The following KRT83 variants were observed in gnomAD, a reference collection of about 807,000 sequenced individuals.
KRT83 encodes the protein keratin, type II cuticular Hb3.
Under a neutral mutation model 52.9 loss-of-function variants are expected in KRT83, and 51 were observed. The ratio of observed to expected loss-of-function variants is 0.96; its 90% confidence interval spans 0.77 to 1.22. KRT83 has a LOEUF of 1.22. Ranked by LOEUF, KRT83 falls within the 50% of genes most tolerant of loss-of-function variation. KRT83 has a pLI of 0.00. For synonymous variants in KRT83, 278 were observed against 274.1 expected, an observed-to-expected ratio of 1.01 and a Z score of -0.14; for missense variants, 654 against 666.5, an observed-to-expected ratio of 0.98 and a Z score of 0.21.
At chr12:52,315,461 C>G in intron 7 of KRT83, 118 bp from the exon 8 acceptor site, 1 of 1,085,618 alleles carries the variant, frequency 9.2e-7, no homozygotes, top group Non-Finnish European at 1.4e-6. Flanking sequence ...CATTTATTCC[C>G]TTGTGCAGCT....
Position 52,317,013 on chromosome 12 carries a change from A to G in KRT83, c.761T>C (p.Ile254Thr). The G allele has an allele frequency of 6.2e-7, 1 of 1,614,196 alleles. No homozygotes were observed. The highest frequency in any genetic ancestry group is 8.5e-7 in the Non-Finnish European group (1 of 1,180,030). Residue 254 changes from isoleucine (I) to threonine (T), a missense_variant, in exon 5 of 9, where the codon ATT becomes ACT. Transcript: ENST00000293670. ...LRRLYEEEIRILQSHISDTSV... is the reference protein window; with the variant it reads ...LRRLYEEEIRTLQSHISDTSV... ...GGTGTCTGAGATGTGGGATTGGAGA[A>G]TGCGGATCTCCTGCAGGAGGTGGGG...
intron 1 of KRT83, 23 bp downstream of exon 1, chr12:52,320,929 G>T (rs764162535): frequency 6.2e-7 from 1 of 1,613,818 alleles, no homozygotes; most frequent in Non-Finnish European, 8.5e-7. Flanking sequence ...TTCAGGAAGG[G>T]TGTGATCCAG....
chr12:52,319,099 C>G (rs2121344998), intron 2 of KRT83, 57 bp downstream of exon 2: 9 of 1,611,330 alleles, frequency 5.6e-6, no homozygotes, highest in Admixed American at 1.7e-5. Context: ...CCTCCGGGCT[C>G]AGGGAGCTGC....
chr12:52,315,316 A>T lies in KRT83; in HGVS notation c.1290T>A (p.Asn430Lys), dbSNP rs1409266151. The change falls in exon 8 of 9, where the codon AAT (asparagine) becomes AAA (lysine). Residue 430 changes from asparagine to lysine, a missense_variant. By Grantham distance (94) the Asn-to-Lys change is moderately conservative. Coordinates refer to ENST00000293670, the MANE Select transcript of KRT83 (RefSeq NM_002282.3). ...TTCAGGGCTCAAGATACTTACAGACATTCACAGCTTCAACACCTTCACACA... is the reference window on the plus strand; with the variant it reads ...TTCAGGGCTCAAGATACTTACAGACTTTCACAGCTTCAACACCTTCACACA... ...QRLCEGVEAV[N>K]VCVSSSRGGV... The T allele has an allele frequency of 1.2e-6, 2 of 1,613,804 alleles. No individual in the cohort carries two copies. Among genetic ancestry groups the T allele is most frequent in the Admixed American group, 1.7e-5 (1 of 60,002 alleles).
Position 52,316,624 on chromosome 12 carries a change from A to G in KRT83, c.916-31T>C, listed in dbSNP as rs1246105244. Reference sequence around the variant, plus strand: ...GGAAGCAGAGATGTTCATGAGGCTCAGGATGAGACATCCCATTCATTCAGG... The same window carrying G: ...GGAAGCAGAGATGTTCATGAGGCTCGGGATGAGACATCCCATTCATTCAGG... On this transcript the variant is annotated intron_variant, in intron 5 of 8. Transcript: ENST00000293670. The G allele has an allele frequency of 3.1e-6, 5 of 1,614,060 alleles. No homozygotes were observed. The Admixed American group carries it at 8.3e-5, about 27-fold the overall frequency.
Position 52,315,918 on chromosome 12 carries a change from G to C in KRT83, c.1237C>G (p.Arg413Gly), listed in dbSNP as rs755560254. ...GLDIEIATYR[R>G]LLEGEEQRLC... Reference sequence around the variant, plus strand: ...CTCTGCTCCTCGCCCTCCAGCAGGCGCCTGTAGGTGGCGATCTCGATATCC... The same window carrying C: ...CTCTGCTCCTCGCCCTCCAGCAGGCCCCTGTAGGTGGCGATCTCGATATCC... Residue 413 changes from arginine to glycine, a missense_variant, in exon 7 of 9, where the codon CGC becomes GGC. Physicochemically the swap from Arg to Gly is moderately radical, Grantham distance 125. Coordinates refer to ENST00000293670, the MANE Select transcript of KRT83 (RefSeq NM_002282.3). 1.9e-6 allele frequency: 3 copies of C among 1,612,512 alleles called. No individual in the cohort carries two copies. The highest frequency in any genetic ancestry group is 2.5e-6 in the Non-Finnish European group (3 of 1,179,892).
chr12:52,320,585 CA>C (rs1938753770), intron 1 of KRT83, among the ~76,000 whole-genome samples: 1 of 152,222 alleles, frequency 6.6e-6, no homozygotes, highest in Non-Finnish European at 1.5e-5. Flanking sequence ...AGTTTTCCAG[CA>C]CCACACTTAT....
Position 52,319,348 on chromosome 12 carries a change from T to C in KRT83, c.401A>G (p.Gln134Arg). The C allele has an allele frequency of 6.2e-7, 1 of 1,614,054 alleles. No homozygotes were observed. Residue 134 changes from glutamine to arginine, a missense_variant, in exon 2 of 9, where the codon CAG becomes CGG. Physicochemically the swap from Gln to Arg is conservative, Grantham distance 43 (BLOSUM62 1). Coordinates refer to ENST00000293670, the MANE Select transcript of KRT83 (RefSeq NM_002282.3). ...AFIDKVRFLEQQNKLLETKLQ... is the reference protein window; with the variant it reads ...AFIDKVRFLERQNKLLETKLQ... ...CTTTGTCTCCAGCAGCTTGTTCTGC[T>C]GCTCCAGGAAGCGCACCTGCCACCC... is the stretch of plus-strand genomic sequence containing the variant.
Position 52,316,255 on chromosome 12 carries a change from T to TTACAC in KRT83, c.1042-147_1042-143dup. The TTACAC allele has an allele frequency of 4.2e-6, 4 of 947,158 alleles. No homozygotes were observed. In the South Asian group the frequency reaches 4.7e-5, roughly 11 times the overall value. 58.7% of individuals were successfully genotyped at this position (947,158 alleles called of 1,614,324 possible). A position where few individuals can be genotyped will look rare whatever the true frequency, so the allele number is the denominator to read the frequency against. ...TTCCTAACCTTCCTTCCCTCCTCAC[T>TTACAC]TACACTACACACACACACACACACA... On this transcript the variant is annotated intron_variant, in intron 6 of 8. Coordinates refer to ENST00000293670, the MANE Select transcript of KRT83 (RefSeq NM_002282.3).
At chr12:52,318,991 C>T (rs1938728902) in intron 2 of KRT83, among the ~76,000 whole-genome samples, 165 bp downstream of exon 2, 1 of 152,190 alleles carries the variant, frequency 6.6e-6, no homozygotes, top group Non-Finnish European at 1.5e-5. Context: ...ACAAGCTGAG[C>T]CTCCATCCCC....
intron 4 of KRT83, 131 bp downstream of exon 4, chr12:52,317,550 C>T: frequency 1.8e-6 from 2 of 1,101,430 alleles, no homozygotes; most frequent in African/African-American, 1.5e-5. Context: ...TCTCCTTGCT[C>T]CCTGCCAACC....
chr12:52,317,124 T>G, intron 4 of KRT83, 101 bp from the exon 5 acceptor site: 2 of 1,484,308 alleles, frequency 1.3e-6, no homozygotes, highest in Non-Finnish European at 1.9e-6. Context: ...GAACTTCTCA[T>G]GTTTAGAGAA....
intron 2 of KRT83, among the ~76,000 whole-genome samples, chr12:52,318,510 G>T (rs184866483): frequency 6.6e-6 from 1 of 152,080 alleles, no homozygotes; most frequent in Admixed American, 6.5e-5. Flanking sequence ...TGGGATCCTC[G>T]CTCTGTCTCT....
At chr12:52,318,452 T>C (rs1010938151) in intron 2 of KRT83, among the ~76,000 whole-genome samples, 8 of 151,944 alleles carry the variant, frequency 5.3e-5, no homozygotes, top group African/African-American at 1.7e-4. Flanking sequence ...TAGGTCTCCA[T>C]CTTTTCTTCC....
In KRT83 at chr12:52,321,041, C is replaced by G; in HGVS notation, c.295G>C (p.Glu99Gln). Residue 99 changes from glutamate to glutamine, a missense_variant, in exon 1 of 9, where the codon GAG (glutamate) becomes CAG (glutamine). Glu to Gln is a conservative substitution (Grantham distance 29, BLOSUM62 2). Transcript: ENST00000293670. ...ACGCACTGCGCGTTGGGGTCTATCT[C>G]CAGGTTGAGGGGCGTGAGGAGGCTC... ...NESLLTPLNL[E>Q]IDPNAQCVKQ... 1.2e-6 allele frequency: 2 copies of G among 1,612,880 alleles called. No homozygotes were observed. Among genetic ancestry groups the G allele is most frequent in the Non-Finnish European group, 1.7e-6 (2 of 1,179,858 alleles).
chr12:52,317,872 ACTCAGGGCGGG>A, intron 3 of KRT83, 27 bp downstream of exon 3: 1 of 1,612,364 alleles, frequency 6.2e-7, no homozygotes, highest in Non-Finnish European at 8.5e-7. Context: ...GGGTGGCGGG[ACTCAGGGCGGG>A]CTCAGGGCCA....
intron 2 of KRT83, 132 bp from the exon 3 acceptor site, chr12:52,318,102 T>A (rs979231644): frequency 8.4e-5 from 70 of 835,472 alleles, no homozygotes; most frequent in Non-Finnish European, 1.3e-4. Flanking sequence ...TGGGTGGGGC[T>A]CTGCAGGAAC....
intron 4 of KRT83, 136 bp downstream of exon 4, chr12:52,317,545 T>C: frequency 9.4e-7 from 1 of 1,059,100 alleles, no homozygotes; most frequent in Non-Finnish European, 1.5e-6. Context: ...TTCCCTCTCC[T>C]TGCTCCCTGC....
In KRT83 at chr12:52,321,310, C is replaced by T. The variant is rs754825251; in HGVS notation, c.26G>A (p.Gly9Asp). 1 of 1,613,558 alleles carries T rather than the reference C, an allele frequency of 6.2e-7. No individual in the cohort carries two copies. The highest frequency in any genetic ancestry group is 2.2e-5 in the East Asian group (1 of 44,886). ...GAAGTTTCCAGGGCGGAACCCACAG[C>T]CTATGGAGTTGAAGCCACAGGTCAT... MTCGFNSIGCGFRPGNFSC... is the reference protein window; with the variant it reads MTCGFNSIDCGFRPGNFSC... The change falls in exon 1 of 9, where the codon GGC becomes GAC. Residue 9 changes from glycine to aspartate, a missense_variant. Gly to Asp is a moderately conservative substitution (Grantham distance 94). Transcript: ENST00000293670.
Sources: gnomAD v4.1 joint callset for allele counts (sites outside exome capture counted in the v4.1 genomes callset) on GRCh38, gnomAD v4.1.1 for gene constraint, MANE v1.5 for transcripts, NCBI Gene and HGNC (gene_info 2026-07-23, HGNC 2026-07-21) for gene names.